The following PUDP variants were observed in gnomAD, a reference collection of about 807,000 sequenced individuals.
The protein encoded by PUDP is pseudouridine 5'-phosphatase, also known as pseudouridine-5'-phosphatase.
PUDP carries 8 observed loss-of-function variants against 9.4 expected under a neutral mutation model. That is an observed-to-expected ratio of 0.85 (90% CI 0.50 to 1.53). The LOEUF (loss-of-function observed/expected upper bound fraction) is 1.53. Among genes scored for constraint, PUDP ranks in the 40% most tolerant of loss-of-function variants. PUDP has a pLI of 0.00. For missense variants in PUDP, 188 were observed against 189.7 expected (o/e 0.99, Z 0.05); for synonymous variants, 99 against 80.7 (o/e 1.23, Z -1.22).
chrX:6,738,105 T>C (rs1055442723), intron 3 of PUDP, among the ~76,000 whole-genome samples: 6 of 111,445 alleles, frequency 5.4e-5, no homozygotes, highest in African/African-American at 2.0e-4. Context: ...CAGATGCAGG[T>C]GCAGGCAGTG....
chrX:7,109,458 T>C (rs1311823279), intron 1 of PUDP, among the ~76,000 whole-genome samples: 1 of 112,010 alleles, frequency 8.9e-6, no homozygotes, highest in African/African-American at 3.2e-5. Flanking sequence ...AAGGCGAGTG[T>C]GCGAACAGGA....
chrX:6,717,262 G>C (rs1288812815), intron 1 of PUDP, among the ~76,000 whole-genome samples: 8 of 111,262 alleles, frequency 7.2e-5, no homozygotes, highest in Non-Finnish European at 1.9e-5. Flanking sequence ...CACTTTTTCA[G>C]AATGATACCC....
intron 3 of PUDP, among the ~76,000 whole-genome samples, chrX:6,956,207 G>A (rs1234138275): frequency 1.8e-5 from 2 of 111,402 alleles, no homozygotes; most frequent in Non-Finnish European, 3.8e-5. Flanking sequence ...ATGCCACCAC[G>A]CCCAGCTAAC....
intron 1 of PUDP, among the ~76,000 whole-genome samples, chrX:6,983,036 G>T (rs1277547326): frequency 8.9e-6 from 1 of 112,349 alleles, no homozygotes; most frequent in African/African-American, 3.2e-5. Flanking sequence ...TTGGCAACAT[G>T]GTGGAACCTT....
chrX:6,986,918 C>T (rs769175813), intron 1 of PUDP, among the ~76,000 whole-genome samples: 12 of 112,316 alleles, frequency 1.1e-4, no homozygotes, highest in Non-Finnish European at 2.1e-4. Flanking sequence ...CATTGCCAAT[C>T]TCAGACCTGT....
chrX:6,924,180 G>A (rs1336129193), intron 3 of PUDP, among the ~76,000 whole-genome samples: 5 of 111,480 alleles, frequency 4.5e-5, no homozygotes, highest in African/African-American at 1.6e-4. Flanking sequence ...TATCTAACAT[G>A]CTGTATCTTC....
chrX:6,756,914 A>T (rs1344079452), intron 3 of PUDP, among the ~76,000 whole-genome samples: 1 of 112,330 alleles, frequency 8.9e-6, no homozygotes, highest in Non-Finnish European at 1.9e-5. Flanking sequence ...CCATGAGATC[A>T]GAAGGAAGGA....
chrX:6,829,849 C>G, intron 3 of PUDP, among the ~76,000 whole-genome samples: 1 of 110,644 alleles, frequency 9.0e-6, no homozygotes, highest in Non-Finnish European at 1.9e-5. Context: ...CTTTTGGTAG[C>G]TCAGAAGGTC....
At chrX:6,990,741 CAG>C (rs1439483053) in intron 1 of PUDP, among the ~76,000 whole-genome samples, 1 of 112,163 alleles carries the variant, frequency 8.9e-6, no homozygotes, top group Admixed American at 9.4e-5. Context: ...CCGGGAACTG[CAG>C]AGAGAGCTTC....
intron 1 of PUDP, among the ~76,000 whole-genome samples, chrX:6,996,589 T>C (rs1018809466): frequency 9.3e-6 from 1 of 107,787 alleles, no homozygotes; most frequent in African/African-American, 3.4e-5. Context: ...TGTATATATA[T>C]ACATTTTTAT....
chrX:6,748,619 A>G (rs1188874913), intron 3 of PUDP, among the ~76,000 whole-genome samples: 1 of 111,924 alleles, frequency 8.9e-6, no homozygotes, highest in Non-Finnish European at 1.9e-5. Context: ...TCCCTTAAAA[A>G]AAATAACGAA....
chrX:6,828,153 G>A (rs987967508), intron 3 of PUDP, among the ~76,000 whole-genome samples: 3 of 111,511 alleles, frequency 2.7e-5, no homozygotes, highest in African/African-American at 3.3e-5. Flanking sequence ...ATACATATTC[G>A]TGTATATCTG....
intron 1 of PUDP, among the ~76,000 whole-genome samples, chrX:7,034,394 C>T (rs1010515055): frequency 1.6e-4 from 18 of 111,634 alleles, no homozygotes; most frequent in Non-Finnish European, 2.4e-4. Flanking sequence ...TCTATGTGGA[C>T]ATTTTTTTCA....
chrX:6,841,377 A>G (rs1202378704), intron 3 of PUDP, among the ~76,000 whole-genome samples: 1 of 110,441 alleles, frequency 9.1e-6, no homozygotes, highest in Non-Finnish European at 1.9e-5. Context: ...GGATGAGTTG[A>G]GCCCAGGAGT....
At chrX:7,029,434 G>T (rs1331865217) in intron 1 of PUDP, among the ~76,000 whole-genome samples, 1 of 112,226 alleles carries the variant, frequency 8.9e-6, no homozygotes, top group Non-Finnish European at 1.9e-5. Flanking sequence ...ATATGGAAAA[G>T]ATACAATTTA....
chrX:6,819,598 A>G (rs1926305511), intron 3 of PUDP, among the ~76,000 whole-genome samples: 1 of 112,802 alleles, frequency 8.9e-6, no homozygotes. Context: ...TCAAAATCAT[A>G]TTTGAAACAC....
Position 6,749,681 on chromosome X carries a change from G to T in PUDP, c.*248-43215C>A, listed in dbSNP as rs761739194. 3.6e-5 allele frequency among the ~76,000 whole-genome samples: 4 copies of T among 111,846 alleles called. No homozygotes were observed. The East Asian group carries it at 1.1e-3, about 32-fold the overall frequency. Reference sequence around the variant, plus strand: ...CATGATGCCTTTGCCTAAGATATGGGAAATGATCATTTATACAAGATGTTT... The same window carrying T: ...CATGATGCCTTTGCCTAAGATATGGTAAATGATCATTTATACAAGATGTTT... On this transcript the variant is annotated intron_variant and NMD_transcript_variant, in intron 3 of 3. Coordinates refer to the PUDP transcript ENST00000655425.
chrX:7,086,594 T>C (rs1384254405), intron 2 of PUDP, among the ~76,000 whole-genome samples: 2 of 111,979 alleles, frequency 1.8e-5, no homozygotes, highest in Non-Finnish European at 3.8e-5. Context: ...TTCTCCAAGC[T>C]CTAGGGAGCA....
intron 3 of PUDP, among the ~76,000 whole-genome samples, chrX:6,949,152 C>A: frequency 8.9e-6 from 1 of 111,899 alleles, no homozygotes; most frequent in Middle Eastern, 4.6e-3. Context: ...TATCAACAAC[C>A]CAGAAAGAAG....
Sources: gnomAD v4.1 joint callset for allele counts (sites outside exome capture counted in the v4.1 genomes callset) on GRCh38, gnomAD v4.1.1 for gene constraint, MANE v1.5 for transcripts, NCBI Gene and HGNC (gene_info 2026-07-23, HGNC 2026-07-21) for gene names.